CLUL1: variants seen among roughly 807,000 people sequenced by gnomAD.
CLUL1 encodes the protein clusterin-like protein 1.
A neutral mutation model predicts 49.4 loss-of-function variants in CLUL1; 43 were observed. That is an observed-to-expected ratio of 0.87 (90% CI 0.68 to 1.12). The LOEUF is 1.12. CLUL1 is among the 50% of genes most tolerant of loss of function. CLUL1 has a pLI of 0.00. For missense variants in CLUL1, 486 were observed against 544.4 expected (o/e 0.89, Z 1.07); for synonymous variants, 192 against 184.9 (o/e 1.04, Z -0.31).
chr18:639,914 A>G (rs2074292555), intron 7 of CLUL1, among the ~76,000 whole-genome samples: 1 of 152,190 alleles, frequency 6.6e-6, no homozygotes, highest in Non-Finnish European at 1.5e-5. Context: ...TGGAGTGCTT[A>G]CAGTCAAGCA....
At chr18:645,462 G>A (rs2074445379) in intron 9 of CLUL1, among the ~76,000 whole-genome samples, 1 of 151,948 alleles carries the variant, frequency 6.6e-6, no homozygotes, top group South Asian at 2.1e-4. Flanking sequence ...TTGATGAAAA[G>A]TTCTCCCTCC....
chr18:608,850 G>T (rs1452092602), intron 2 of CLUL1, among the ~76,000 whole-genome samples: 1 of 152,122 alleles, frequency 6.6e-6, no homozygotes, highest in African/African-American at 2.4e-5. Context: ...AAGGCCTGTT[G>T]ATCTATTTAT....
At chr18:613,320 G>T in intron 2 of CLUL1, 1 of 340,552 alleles carries the variant, frequency 2.9e-6, no homozygotes, top group Non-Finnish European at 5.3e-6. Context: ...TGTATTTTTA[G>T]TAAAGATGGG....
chr18:624,934 T>C lies in CLUL1; in HGVS notation c.325T>C (p.Leu109=). Residue 109 remains leucine (L), a synonymous_variant, in exon 5 of 10, where the codon TTG becomes CTG. Transcript: ENST00000692774. ...AGAAGAAAGGCTATGCCGGGAGTCT[T>C]TGGCAGATTCCTGGGGTGAATGCAG... ...EEEERLCRES[L]ADSWGECRSC... The C allele has an allele frequency of 6.2e-7, 1 of 1,614,134 alleles. No individual in the cohort carries two copies. Among genetic ancestry groups the C allele is most frequent in the East Asian group, 2.2e-5 (1 of 44,886 alleles).
At chr18:608,361 G>A (rs563936856) in intron 2 of CLUL1, among the ~76,000 whole-genome samples, 1 of 152,236 alleles carries the variant, frequency 6.6e-6, no homozygotes, top group Admixed American at 6.5e-5. Flanking sequence ...AAATGAAGAG[G>A]CCTAAAAACC....
intron 6 of CLUL1, among the ~76,000 whole-genome samples, chr18:628,960 C>T (rs966925686): frequency 2.6e-5 from 4 of 152,062 alleles, no homozygotes; most frequent in African/African-American, 9.7e-5. Flanking sequence ...AGCCACCACT[C>T]CTGACCCTAT....
Position 633,437 on chromosome 18 carries a change from T to A in CLUL1, c.994+2T>A. ...AATGTCAGGCTCACCTATCTGAAGGTAAATAATTGCTATTTTGTTTTTTAT... is the reference window on the plus strand; with the variant it reads ...AATGTCAGGCTCACCTATCTGAAGGAAAATAATTGCTATTTTGTTTTTTAT... On this transcript the variant is annotated splice_donor_variant, in intron 7 of 9. Coordinates refer to ENST00000692774, the MANE Select transcript of CLUL1 (RefSeq NM_001393344.1). LOFTEE classifies it high-confidence loss of function. 1 of 1,611,084 alleles carries A rather than the reference T, an allele frequency of 6.2e-7. No homozygotes were observed. The highest frequency in any genetic ancestry group is 8.5e-7 in the Non-Finnish European group (1 of 1,178,276).
At chr18:625,844 T>C (rs2073671771) in intron 5 of CLUL1, among the ~76,000 whole-genome samples, 1 of 146,744 alleles carries the variant, frequency 6.8e-6, no homozygotes, top group Non-Finnish European at 1.5e-5. Context: ...AGGGAGCAAC[T>C]ACTAAGATAA....
Position 633,813 on chromosome 18 carries a change from C to CGGAGCGTGTAATCGGAATGAATCAGGGT in CLUL1, c.994+405_994+406insTGGAGCGTGTAATCGGAATGAATCAGGG, listed in dbSNP as rs1567972308. Among the ~76,000 whole-genome samples, 33 of 55,012 alleles carry CGGAGCGTGTAATCGGAATGAATCAGGGT rather than the reference C, an allele frequency of 6.0e-4. 1 individual carries two copies. The highest frequency in any genetic ancestry group is 1.2e-3 in the Admixed American group (5 of 4,032). The allele number at this position is 55,012 out of a possible 152,430, so 36.1% of individuals were successfully genotyped here. On this transcript the variant is annotated intron_variant, in intron 7 of 9. Coordinates refer to ENST00000692774, the MANE Select transcript of CLUL1 (RefSeq NM_001393344.1). Reference sequence around the variant, plus strand: ...AGCATGTAATCGGAATGAATCAGGGCGGAGCGTGTAATCGGAATGAATCAG... The same window carrying CGGAGCGTGTAATCGGAATGAATCAGGGT: ...AGCATGTAATCGGAATGAATCAGGGCGGAGCGTGTAATCGGAATGAATCAGGGTGGAGCGTGTAATCGGAATGAATCAG...
rs577754136 is a variant in CLUL1, at chr18:644,494, A to G, written c.1210-416A>G. 5.4e-4 allele frequency among the ~76,000 whole-genome samples: 82 copies of G among 152,342 alleles called. 1 individual carries two copies. The highest frequency in any genetic ancestry group is 1.9e-3 in the African/African-American group (77 of 41,572). ...CAGCAAACATCCCACCTCCTCTCTC[A>G]TATTTTCCAGCTCCCCTTGTGGTTA... On this transcript the variant is annotated intron_variant, in intron 8 of 9. Coordinates refer to ENST00000692774, the MANE Select transcript of CLUL1 (RefSeq NM_001393344.1).
Position 619,809 on chromosome 18 carries a change from A to G in CLUL1, c.255+448A>G, listed in dbSNP as rs549126691. Reference sequence around the variant, plus strand: ...ATTGCAACCTCCACCTCCTGGGTTCAGGTGATTCTCCTGTCTCAGCCTCCC... The same window carrying G: ...ATTGCAACCTCCACCTCCTGGGTTCGGGTGATTCTCCTGTCTCAGCCTCCC... On this transcript the variant is annotated intron_variant, in intron 4 of 9. Coordinates refer to ENST00000692774, the MANE Select transcript of CLUL1 (RefSeq NM_001393344.1). Among the ~76,000 whole-genome samples, 140 of 152,220 alleles carry G rather than the reference A, an allele frequency of 9.2e-4. 1 individual carries two copies. Among genetic ancestry groups the G allele is most frequent in the African/African-American group, 3.3e-3 (137 of 41,526 alleles).
rs554808617 is a variant in CLUL1, at chr18:597,001, T to C, written c.-264T>C. The C allele has an allele frequency of 2.6e-5, 4 of 151,646 alleles. No individual in the cohort carries two copies. Among genetic ancestry groups the C allele is most frequent in the Admixed American group, 1.3e-4 (2 of 15,196 alleles). The allele number at this position is 151,646 out of a possible 1,614,324, so 9.4% of individuals were successfully genotyped here. Reference sequence around the variant, plus strand: ...CAGGCCCCGCCCACCCTGCGTCACCTGCAGGCCCGGGCCGCGGGGTTGGTT... The same window carrying C: ...CAGGCCCCGCCCACCCTGCGTCACCCGCAGGCCCGGGCCGCGGGGTTGGTT... On this transcript the variant is annotated 5_prime_UTR_variant, in exon 1 of 10. Transcript: ENST00000692774.
At chr18:617,412 T>C (rs572425084) in intron 2 of CLUL1, among the ~76,000 whole-genome samples, 1 of 152,154 alleles carries the variant, frequency 6.6e-6, no homozygotes, top group African/African-American at 2.4e-5. Context: ...CTGACCCACA[T>C]GGAGAAACTC....
chr18:633,274 G>C, intron 6 of CLUL1, 24 bp from the exon 7 acceptor site: 1 of 1,590,168 alleles, frequency 6.3e-7, no homozygotes, highest in Non-Finnish European at 8.6e-7. Flanking sequence ...TGACACTAAC[G>C]TGTAAATGTT....
intron 9 of CLUL1, among the ~76,000 whole-genome samples, chr18:645,807 AAAAATATATAT>A (rs1156445713): frequency 1.7e-4 from 12 of 69,160 alleles, no homozygotes; most frequent in African/African-American, 6.7e-4. Flanking sequence ...AAAAAAAAAA[AAAAATATATAT>A]ATATATATAT....
chr18:648,580 G>GGA (rs2074584260), intron 9 of CLUL1, among the ~76,000 whole-genome samples: 1 of 149,954 alleles, frequency 6.7e-6, no homozygotes, highest in Admixed American at 6.7e-5. Flanking sequence ...TTATTGTTCT[G>GGA]GATATATATA....
intron 5 of CLUL1, among the ~76,000 whole-genome samples, chr18:626,737 T>C (rs1285669871): frequency 6.7e-6 from 1 of 149,828 alleles, no homozygotes; most frequent in African/African-American, 2.5e-5. Flanking sequence ...GGTGTGCAAC[T>C]GTAATCCCAG....
rs2072984744 is a variant in CLUL1 at position 606,822 on chromosome 18, A to G, written c.-135-156A>G. On this transcript the variant is annotated intron_variant, in intron 1 of 9. Coordinates refer to ENST00000692774, the MANE Select transcript of CLUL1 (RefSeq NM_001393344.1). This position sits in a 1 kb window ranked among gnomAD's most constrained non-coding sequence, Gnocchi z 4.1. ...TTCTCCCGGAGTGTTTAGAGCAGGA[A>G]TGTTCTTGGGCATCTGCCTTCCCCC... Among the ~76,000 whole-genome samples, 2 of 152,158 alleles carry G rather than the reference A, an allele frequency of 1.3e-5. No homozygotes were observed. The highest frequency in any genetic ancestry group is 2.9e-5 in the Non-Finnish European group (2 of 68,002).
intron 6 of CLUL1, among the ~76,000 whole-genome samples, chr18:630,672 CTTTTTTTTTTTTTTTTT>C: frequency 1.6e-5 from 1 of 62,044 alleles, no homozygotes; most frequent in East Asian, 6.5e-4. Context: ...CTACTGACAT[CTTTTTTTTTTTTTTTTT>C]TTTTTTTTTT....
Sources: gnomAD v4.1 joint callset for allele counts (sites outside exome capture counted in the v4.1 genomes callset) on GRCh38, gnomAD v4.1.1 for gene constraint, Gnocchi (gnomAD v3.1) non-coding constraint, MANE v1.5 for transcripts, NCBI Gene and HGNC (gene_info 2026-07-23, HGNC 2026-07-21) for gene names.